The following FYB1 variants were observed in gnomAD, a reference collection of about 807,000 sequenced individuals.
The protein encoded by FYB1 is FYN-binding protein 1.
Under a neutral mutation model 94.1 loss-of-function variants are expected in FYB1, and 41 were observed. That is an observed-to-expected ratio of 0.44 (90% CI 0.34 to 0.57). The LOEUF is 0.57. Among genes scored for constraint, FYB1 ranks in the 20% least tolerant of loss-of-function variants. FYB1 has a pLI of 0.02. For missense variants in FYB1, 1,050 were observed against 976.8 expected (o/e 1.07, Z -1.00); for synonymous variants, 367 against 353.2 (o/e 1.04, Z -0.44).
At chr5:39,185,705 C>A (rs932238676) in intron 2 of FYB1, among the ~76,000 whole-genome samples, 10 of 150,370 alleles carry the variant, frequency 6.7e-5, no homozygotes, top group African/African-American at 2.4e-4. Flanking sequence ...GTGTTAGAAA[C>A]CATGAGGAAT....
chr5:39,174,894 T>C (rs147616671), intron 2 of FYB1, among the ~76,000 whole-genome samples: 82 of 152,330 alleles, frequency 5.4e-4, no homozygotes, highest in Non-Finnish European at 9.3e-4. Flanking sequence ...AGTCAACAAC[T>C]AATAGACTAA....
chr5:39,232,008 G>A (rs1012347636), intron 1 of FYB1, among the ~76,000 whole-genome samples: 4 of 152,084 alleles, frequency 2.6e-5, no homozygotes, highest in Admixed American at 6.6e-5. Context: ...TCAGGGATAC[G>A]GATGAATTGT....
chr5:39,270,399 G>T (rs1752623483), intron 1 of FYB1, among the ~76,000 whole-genome samples: 1 of 152,166 alleles, frequency 6.6e-6, no homozygotes, highest in African/African-American at 2.4e-5. Context: ...CTCTCAACTG[G>T]CATGAACAAG....
At chr5:39,107,702 A>T (rs1190361425) in intron 18 of FYB1, among the ~76,000 whole-genome samples, 3 of 151,976 alleles carry the variant, frequency 2.0e-5, no homozygotes, top group Non-Finnish European at 4.4e-5. Flanking sequence ...GAGACTCAAG[A>T]TTATTTTATG....
intron 1 of FYB1, among the ~76,000 whole-genome samples, chr5:39,237,542 T>C (rs1751023345): frequency 6.6e-6 from 1 of 152,072 alleles, no homozygotes; most frequent in Admixed American, 6.6e-5. Context: ...TCATCATTTC[T>C]TGCATAGGCT....
At chr5:39,147,198 C>A (rs1048718816) in intron 3 of FYB1, among the ~76,000 whole-genome samples, 1 of 151,988 alleles carries the variant, frequency 6.6e-6, no homozygotes, top group Non-Finnish European at 1.5e-5. Flanking sequence ...TAATGACTGT[C>A]ATTTTTAGAA....
At chr5:39,172,365 G>A (rs929515498) in intron 2 of FYB1, among the ~76,000 whole-genome samples, 2 of 152,050 alleles carry the variant, frequency 1.3e-5, no homozygotes, top group Non-Finnish European at 2.9e-5. Flanking sequence ...AGAATCACTT[G>A]AACCTGAGAG....
intron 8 of FYB1, 90 bp downstream of exon 8, chr5:39,134,765 G>C (rs961086561): frequency 7.3e-7 from 1 of 1,379,092 alleles, no homozygotes; most frequent in African/African-American, 1.4e-5. Context: ...CTCCTAACTC[G>C]ATGCCTATGA....
chr5:39,237,988 A>G (rs1346523399), intron 1 of FYB1, among the ~76,000 whole-genome samples: 1 of 152,146 alleles, frequency 6.6e-6, no homozygotes, highest in Non-Finnish European at 1.5e-5. Context: ...TATGACATTT[A>G]CAAATCATAC....
chr5:39,248,132 AG>A (rs1561306872), intron 1 of FYB1, among the ~76,000 whole-genome samples: 2 of 152,204 alleles, frequency 1.3e-5, no homozygotes, highest in African/African-American at 2.4e-5. Flanking sequence ...CTATAAATAA[AG>A]AAAAGGGACT....
chr5:39,225,865 A>T (rs772617343), intron 1 of FYB1, among the ~76,000 whole-genome samples: 1 of 152,196 alleles, frequency 6.6e-6, no homozygotes, highest in Non-Finnish European at 1.5e-5. Context: ...CAACAAAACC[A>T]TAATGTTCAC....
At chr5:39,245,592 G>C (rs835180) in intron 1 of FYB1, among the ~76,000 whole-genome samples, 25,023 of 150,864 alleles carry the variant, frequency 0.17, 5,592 homozygotes, top group African/African-American at 0.49. Flanking sequence ...TGAGAAGGAA[G>C]AGGAAGAGGC....
chr5:39,202,157 C>G lies in FYB1; in HGVS notation c.804G>C (p.Ala268=), dbSNP rs371334972. The G allele has an allele frequency of 6.2e-7, 1 of 1,614,022 alleles. No homozygotes were observed. The highest frequency in any genetic ancestry group is 1.7e-5 in the Admixed American group (1 of 60,028). The change falls in exon 2 of 19, where the codon GCG becomes GCC. Residue 268 remains alanine (A), a synonymous_variant. Transcript: ENST00000512982. The stretch of plus-strand genomic sequence containing the variant: ...TGGAGAGACCTGGGCCTCCCCTGCT[C>G]GCAGCAGGTTTCAAAACCACTCCAG... The part of the protein sequence containing the change: ...PFPGVVLKPA[A]SRGGPGLSKN...
At chr5:39,244,908 G>A (rs835179) in intron 1 of FYB1, among the ~76,000 whole-genome samples, 25,601 of 151,982 alleles carry the variant, frequency 0.17, 5,762 homozygotes, top group African/African-American at 0.5. Context: ...TTTCTTCTAG[G>A]TTTTCTAGTT....
intron 2 of FYB1, among the ~76,000 whole-genome samples, chr5:39,195,005 C>CTGAGG (rs1747705079): frequency 6.6e-6 from 1 of 152,116 alleles, no homozygotes; most frequent in Admixed American, 6.5e-5. Flanking sequence ...GCAGGGTGTG[C>CTGAGG]TGAGGGCCTG....
At chr5:39,165,686 C>T (rs1744665034) in intron 2 of FYB1, among the ~76,000 whole-genome samples, 1 of 152,188 alleles carries the variant, frequency 6.6e-6, no homozygotes, top group African/African-American at 2.4e-5. Flanking sequence ...AAATAATCAA[C>T]TGAATAAGCA....
chr5:39,245,747 C>T (rs1389674300), intron 1 of FYB1, among the ~76,000 whole-genome samples: 4 of 152,012 alleles, frequency 2.6e-5, no homozygotes, highest in African/African-American at 4.8e-5. Flanking sequence ...TACAGGTGCC[C>T]GCCACTACAA....
At position 39,137,728 on chromosome 5, in the gene FYB1, T is replaced by TA; in HGVS notation, c.1395-9dup. On this transcript the variant is annotated splice_polypyrimidine_tract_variant and intron_variant, in intron 6 of 18. Coordinates refer to ENST00000512982, the MANE Select transcript of FYB1 (RefSeq NM_001465.6). ...CTTTCTTTGGATGCTTCTCTGTGAG[T>TA]AAAAATTGTTAGGTTGTTTTCACAT... 1 of 1,551,054 alleles carries TA rather than the reference T, an allele frequency of 6.4e-7. No individual in the cohort carries two copies. The highest frequency in any genetic ancestry group is 8.7e-7 in the Non-Finnish European group (1 of 1,146,782).
chr5:39,128,121 T>A (rs916884308), intron 10 of FYB1, among the ~76,000 whole-genome samples: 5 of 151,762 alleles, frequency 3.3e-5, no homozygotes, highest in Non-Finnish European at 7.4e-5. Context: ...AGTGAGGAGG[T>A]GATACAAATC....
Sources: gnomAD v4.1 joint callset for allele counts (sites outside exome capture counted in the v4.1 genomes callset) on GRCh38, gnomAD v4.1.1 for gene constraint, MANE v1.5 for transcripts, NCBI Gene and HGNC (gene_info 2026-07-23, HGNC 2026-07-21) for gene names.